COL4A2: variants seen among roughly 807,000 people sequenced by gnomAD.
COL4A2 encodes collagen alpha-2(IV) chain.
A neutral mutation model predicts 200.2 loss-of-function variants in COL4A2; 99 were observed. The ratio of observed to expected loss-of-function variants is 0.49; its 90% CI spans 0.42 to 0.58. COL4A2 has a LOEUF of 0.58. Ranked by LOEUF, COL4A2 falls within the 20% of genes least tolerant of loss-of-function variation. The pLI is 0.00. For synonymous variants in COL4A2, 897 were observed against 900.6 expected (o/e 1.00, Z 0.07); for missense variants, 1,950 against 2,314.1 (o/e 0.84, Z 3.23).
intron 36 of COL4A2, 138 bp from the exon 37 acceptor site, chr13:110,491,095 G>C (rs532234536): frequency 1.5e-6 from 1 of 670,346 alleles, no homozygotes; most frequent in African/African-American, 1.8e-5. Flanking sequence ...AATCAGCTAA[G>C]GAAGGAGCAC....
At chr13:110,411,199 C>T (rs1224741861) in intron 4 of COL4A2, among the ~76,000 whole-genome samples, 1 of 152,202 alleles carries the variant, frequency 6.6e-6, no homozygotes, top group Non-Finnish European at 1.5e-5. Context: ...TGATTCCCCA[C>T]AACTCCCCTG....
chr13:110,410,953 G>A lies in COL4A2; in HGVS notation c.181-13781G>A, dbSNP rs980081640. Reference sequence around the variant, plus strand: ...TAACTGATCAGTGTTAAATCACTTCGGTTTGTTCACAAACCAAATGGCCAC... The same window carrying A: ...TAACTGATCAGTGTTAAATCACTTCAGTTTGTTCACAAACCAAATGGCCAC... On this transcript the variant is annotated intron_variant, in intron 4 of 47. Coordinates refer to ENST00000360467, the MANE Select transcript of COL4A2 (RefSeq NM_001846.4). Among the ~76,000 whole-genome samples the A allele has an allele frequency of 4.6e-5, 7 of 152,040 alleles. 1 individual carries two copies. Among genetic ancestry groups the A allele is most frequent in the Non-Finnish European group, 4.4e-5 (3 of 68,006 alleles).
intron 4 of COL4A2, among the ~76,000 whole-genome samples, chr13:110,422,791 G>T (rs576972341): frequency 1.2e-4 from 18 of 152,264 alleles, no homozygotes; most frequent in African/African-American, 3.9e-4. Flanking sequence ...ACATCTCAAG[G>T]AATTGCCAGT....
intron 16 of COL4A2, among the ~76,000 whole-genome samples, chr13:110,442,858 A>G (rs975340085): frequency 2.0e-5 from 3 of 151,930 alleles, no homozygotes; most frequent in African/African-American, 7.3e-5. Context: ...TTTTGAAATA[A>G]CTCCACAGAG....
chr13:110,361,532 T>C (rs528994843), intron 4 of COL4A2, among the ~76,000 whole-genome samples: 3 of 152,340 alleles, frequency 2.0e-5, no homozygotes, highest in African/African-American at 7.2e-5. Flanking sequence ...CATCTGTGCG[T>C]CACCATGGTG....
At chr13:110,336,171 G>C (rs1026266307) in intron 3 of COL4A2, among the ~76,000 whole-genome samples, 12 of 152,306 alleles carry the variant, frequency 7.9e-5, no homozygotes, top group African/African-American at 2.9e-4. Flanking sequence ...ATACATTGAA[G>C]TAGAGAATTG....
At chr13:110,372,461 T>A (rs1290710449) in intron 4 of COL4A2, among the ~76,000 whole-genome samples, 1 of 152,202 alleles carries the variant, frequency 6.6e-6, no homozygotes, top group Non-Finnish European at 1.5e-5. Context: ...TCTCTGGAAT[T>A]TGTCTTGTGT....
intron 4 of COL4A2, among the ~76,000 whole-genome samples, chr13:110,420,999 C>A (rs1880228482): frequency 6.6e-6 from 1 of 152,224 alleles, no homozygotes; most frequent in Admixed American, 6.5e-5. Flanking sequence ...GTGAAATGTT[C>A]CATCTCATCA....
At chr13:110,420,266 T>C (rs1356036108) in intron 4 of COL4A2, among the ~76,000 whole-genome samples, 1 of 152,244 alleles carries the variant, frequency 6.6e-6, no homozygotes, top group Non-Finnish European at 1.5e-5. Flanking sequence ...TTCGTGTCAC[T>C]ACATGCAGTT....
chr13:110,487,944 AG>A (rs561207331), intron 34 of COL4A2, among the ~76,000 whole-genome samples: 203 of 152,344 alleles, frequency 1.3e-3, no homozygotes, highest in African/African-American at 4.7e-3. Context: ...GTAAGCTTTG[AG>A]AAAGAAAAAT....
intron 3 of COL4A2, among the ~76,000 whole-genome samples, chr13:110,323,638 A>T (rs890006900): frequency 1.3e-5 from 2 of 152,140 alleles, no homozygotes; most frequent in African/African-American, 4.8e-5. Context: ...GGTGGAGTTG[A>T]AGTCAGAAAA....
chr13:110,466,659 G>T (rs1594089598), intron 26 of COL4A2, among the ~76,000 whole-genome samples: 2 of 152,168 alleles, frequency 1.3e-5, no homozygotes, highest in East Asian at 3.8e-4. Context: ...GAAATCGCAG[G>T]CTATCTCCAT....
chr13:110,472,367 G>A (rs574983814), intron 28 of COL4A2, among the ~76,000 whole-genome samples: 119 of 152,084 alleles, frequency 7.8e-4, no homozygotes, highest in Non-Finnish European at 1.1e-3. Flanking sequence ...CACCCGCCTC[G>A]GCCTCCCAAA....
intron 40 of COL4A2, among the ~76,000 whole-genome samples, chr13:110,500,059 T>A (rs889856465): frequency 1.3e-5 from 2 of 152,230 alleles, no homozygotes; most frequent in Non-Finnish European, 2.9e-5. Flanking sequence ...TCTAAATATT[T>A]ATCCTGCTGT....
intron 3 of COL4A2, among the ~76,000 whole-genome samples, chr13:110,309,157 C>G (rs1437218098): frequency 4.6e-5 from 7 of 152,222 alleles, no homozygotes; most frequent in Non-Finnish European, 8.8e-5. Context: ...TGATGTAAAA[C>G]AAACCAGGAT....
intron 4 of COL4A2, among the ~76,000 whole-genome samples, chr13:110,399,608 G>A (rs1039673203): frequency 6.6e-6 from 1 of 152,190 alleles, no homozygotes; most frequent in Non-Finnish European, 1.5e-5. Context: ...CAGATGCATA[G>A]CATTCCCTTG....
intron 16 of COL4A2, among the ~76,000 whole-genome samples, chr13:110,441,542 G>A (rs1422026993): frequency 6.6e-6 from 1 of 152,096 alleles, no homozygotes; most frequent in Non-Finnish European, 1.5e-5. Context: ...GTTACTGATC[G>A]GAGTACTCCC....
At chr13:110,474,900 ACACT>A (rs976425604) in intron 29 of COL4A2, among the ~76,000 whole-genome samples, 11 of 128,946 alleles carry the variant, frequency 8.5e-5, no homozygotes, top group African/African-American at 3.3e-4. Flanking sequence ...GTGCCTATGC[ACACT>A]CACGATCACA....
intron 32 of COL4A2, 98 bp downstream of exon 32, chr13:110,482,757 A>G: frequency 7.6e-7 from 1 of 1,315,132 alleles, no homozygotes; most frequent in South Asian, 1.4e-5. Context: ...ATTTTTGAAA[A>G]CCCATGCATC....
Sources: gnomAD v4.1 joint callset for allele counts (sites outside exome capture counted in the v4.1 genomes callset) on GRCh38, gnomAD v4.1.1 for gene constraint, MANE v1.5 for transcripts, NCBI Gene and HGNC (gene_info 2026-07-23, HGNC 2026-07-21) for gene names.